Variants in EPRS1 observed in about 807,000 individuals in gnomAD.
EPRS1 encodes bifunctional glutamate/proline--tRNA ligase.
A neutral mutation model predicts 188.3 loss-of-function variants in EPRS1; 107 were observed. That is an observed-to-expected ratio of 0.57 (90% CI 0.49 to 0.67). The LOEUF (loss-of-function observed/expected upper bound fraction) is 0.67. EPRS1 is among the 30% of genes least tolerant of loss of function. The pLI, the probability that EPRS1 is intolerant of heterozygous loss-of-function variation, is 0.00. For synonymous variants in EPRS1, 596 were observed against 593.1 expected (o/e 1.00, Z -0.07); for missense variants, 1,577 against 1,802.2 (o/e 0.88, Z 2.26).
At chr1:220,021,014 A>G (rs1661869476) in intron 9 of EPRS1, among the ~76,000 whole-genome samples, 1 of 151,138 alleles carries the variant, frequency 6.6e-6, no homozygotes, top group African/African-American at 2.4e-5. Context: ...TATAGATGGG[A>G]TTACAGGCAT....
At chr1:220,026,038 C>T (rs1432667849) in intron 6 of EPRS1, among the ~76,000 whole-genome samples, 1 of 152,202 alleles carries the variant, frequency 6.6e-6, no homozygotes, top group African/African-American at 2.4e-5. Flanking sequence ...CGTGATCCGC[C>T]TGCCTTGGCC....
chr1:220,044,865 G>A (rs1662372195), intron 1 of EPRS1, among the ~76,000 whole-genome samples: 1 of 152,106 alleles, frequency 6.6e-6, no homozygotes, highest in African/African-American at 2.4e-5. Context: ...TGGCAGCCAG[G>A]ATTGGACTCA....
rs2102568016 is a variant in EPRS1, at chr1:219,987,271, TTTTC to T, written c.2905_2908del (p.Glu969IlefsTer68). Reference sequence around the variant, plus strand: ...AGGCTTATTCTGCTTTTCAGATTTATTTTCTTTTTCTTTCTTCTTCTTATCTTTG... The same window carrying T: ...AGGCTTATTCTGCTTTTCAGATTTATTTTTTCTTTCTTCTTCTTATCTTTG... On this transcript the variant is annotated frameshift_variant, in exon 20 of 32. Coordinates refer to ENST00000366923, the MANE Select transcript of EPRS1 (RefSeq NM_004446.3). LOFTEE classifies it high-confidence loss of function. The T allele has an allele frequency of 6.2e-7, 1 of 1,614,102 alleles. No individual in the cohort carries two copies. Among genetic ancestry groups the T allele is most frequent in the Non-Finnish European group, 8.5e-7 (1 of 1,180,002 alleles).
At position 219,979,489 on chromosome 1, in the gene EPRS1, T is replaced by C. The variant is rs754989134; in HGVS notation, c.3838A>G (p.Ile1280Val). 1 of 1,614,076 alleles carries C rather than the reference T, an allele frequency of 6.2e-7. No individual in the cohort carries two copies. Among genetic ancestry groups the C allele is most frequent in the South Asian group, 1.1e-5 (1 of 91,080 alleles). Residue 1280 changes from isoleucine to valine, a missense_variant, in exon 27 of 32, where the codon ATT (isoleucine) becomes GTT (valine). Ile to Val is a conservative substitution (Grantham distance 29). Around this residue, in one of 3 missense-constraint regions of EPRS1, gnomAD observed 296 missense variants for 327.9 expected, o/e 0.90. Coordinates refer to ENST00000366923, the MANE Select transcript of EPRS1 (RefSeq NM_004446.3). ...QNSWGLTTRT[I>V]GVMTMVHGDN... is the part of the protein sequence containing the mutation. Reference sequence around the variant, plus strand: ...CCATGAACCATGGTCATAACACCAATAGTTCGAGTTGTCAGGCCCCAGGAG... The same window carrying C: ...CCATGAACCATGGTCATAACACCAACAGTTCGAGTTGTCAGGCCCCAGGAG...
chr1:220,002,991 C>T (rs761851021), intron 16 of EPRS1, among the ~76,000 whole-genome samples: 4 of 152,168 alleles, frequency 2.6e-5, no homozygotes, highest in African/African-American at 7.2e-5. Flanking sequence ...TTGGCAAATA[C>T]GCAGGAATGG....
chr1:220,022,507 T>C lies in EPRS1; in HGVS notation c.955A>G (p.Asn319Asp). The stretch of plus-strand genomic sequence containing the variant: ...TTCATTTCTTCCCACATTTGTAGAT[T>C]CTTCTCAATAGCTATAAAATGATAA... ...SKHRKNPIEK[N>D]LQMWEEMKKG... Residue 319 changes from asparagine (N) to aspartate (D), a missense_variant, in exon 9 of 32, where the codon AAT becomes GAT. This residue lies in a region of EPRS1 where 1,278 missense variants were observed against 1,457.4 expected (regional missense o/e 0.88). Transcript: ENST00000366923. 1 of 1,611,936 alleles carries C rather than the reference T, an allele frequency of 6.2e-7. No individual in the cohort carries two copies.
At chr1:220,002,685 C>A (rs988401838) in intron 16 of EPRS1, among the ~76,000 whole-genome samples, 15 of 151,868 alleles carry the variant, frequency 9.9e-5, no homozygotes, top group Non-Finnish European at 2.1e-4. Flanking sequence ...CATGGTGAAA[C>A]CCTGTCTCTA....
At chr1:220,018,952 T>C in intron 11 of EPRS1, 43 bp downstream of exon 11, 2 of 1,336,312 alleles carry the variant, frequency 1.5e-6, no homozygotes, top group Non-Finnish European at 2.2e-6. Flanking sequence ...TAGAAGTACC[T>C]GAAATTTCAA....
chr1:220,022,182 C>T (rs756102074), intron 9 of EPRS1, among the ~76,000 whole-genome samples, 165 bp downstream of exon 9: 10 of 152,126 alleles, frequency 6.6e-5, no homozygotes, highest in African/African-American at 2.2e-4. Flanking sequence ...GGTGAGTAAA[C>T]GGCCCGTGAA....
intron 28 of EPRS1, among the ~76,000 whole-genome samples, chr1:219,976,179 C>A (rs975041618): frequency 5.3e-5 from 8 of 152,122 alleles, no homozygotes; most frequent in Non-Finnish European, 1.0e-4. Flanking sequence ...GTAACAGATT[C>A]TATAACCCAG....
At chr1:219,992,000 T>C (rs1050959941) in intron 18 of EPRS1, among the ~76,000 whole-genome samples, 1 of 152,146 alleles carries the variant, frequency 6.6e-6, no homozygotes, top group Non-Finnish European at 1.5e-5. Flanking sequence ...ACTACACACA[T>C]CCCAAATAAG....
At chr1:220,028,467 GCACA>G (rs10570178) in intron 6 of EPRS1, among the ~76,000 whole-genome samples, 15 of 151,168 alleles carry the variant, frequency 9.9e-5, no homozygotes, top group African/African-American at 2.4e-4. Context: ...ACACACACGC[GCACA>G]CACACACACA....
chr1:220,006,622 G>A (rs991464160), intron 14 of EPRS1, among the ~76,000 whole-genome samples: 2 of 152,048 alleles, frequency 1.3e-5, no homozygotes, highest in Non-Finnish European at 2.9e-5. Flanking sequence ...AAAGTCACCT[G>A]CATCAAGCAT....
chr1:220,011,491 A>T (rs1299328543), intron 12 of EPRS1, among the ~76,000 whole-genome samples: 1 of 152,218 alleles, frequency 6.6e-6, no homozygotes, highest in African/African-American at 2.4e-5. Context: ...TTCTTTAATC[A>T]GTGTTAGGGT....
chr1:219,996,532 T>C (rs1023108396), intron 18 of EPRS1, among the ~76,000 whole-genome samples: 31 of 152,192 alleles, frequency 2.0e-4, no homozygotes, highest in Non-Finnish European at 4.0e-4. Flanking sequence ...CAATCCATGT[T>C]TTACCAAGCC....
At chr1:220,039,052 A>G (rs1030274490) in intron 2 of EPRS1, among the ~76,000 whole-genome samples, 2 of 152,186 alleles carry the variant, frequency 1.3e-5, no homozygotes, top group Non-Finnish European at 2.9e-5. Flanking sequence ...TGATGGGGGA[A>G]GTGGGCATGT....
At chr1:219,984,401 C>A in intron 20 of EPRS1, 144 bp from the exon 21 acceptor site, 1 of 661,958 alleles carries the variant, frequency 1.5e-6, no homozygotes, top group Non-Finnish European at 2.7e-6. Context: ...TATATTCATT[C>A]CCAAGATAAC....
rs766265941 is a variant in EPRS1, at chr1:219,980,727, T to C, written c.3555+29A>G. On this transcript the variant is annotated intron_variant, in intron 25 of 31. Transcript: ENST00000366923. ...GAACCTGAACAAAAATAATGGAACA[T>C]AGTTAATATGGAAAATAACTTTTTA... The C allele has an allele frequency of 7.5e-6, 11 of 1,470,828 alleles. No individual in the cohort carries two copies. The South Asian group carries it at 9.3e-5, about 12-fold the overall frequency. The allele number at this position is 1,470,828 out of a possible 1,614,324, so 91.1% of individuals were successfully genotyped here.
At chr1:219,979,056 G>T (rs1431537721) in intron 27 of EPRS1, among the ~76,000 whole-genome samples, 1 of 151,856 alleles carries the variant, frequency 6.6e-6, no homozygotes, top group Non-Finnish European at 1.5e-5. Flanking sequence ...ATTTTGCCAT[G>T]TTGCCCAGGC....
Sources: allele counts gnomAD v4.1 joint callset (sites outside exome capture counted in the v4.1 genomes callset), GRCh38; gene constraint gnomAD v4.1.1; regional missense constraint gnomAD v4.1.1; transcripts MANE v1.5; gene names NCBI Gene and HGNC (gene_info 2026-07-23, HGNC 2026-07-21).